MGAT4C: variants seen among roughly 807,000 people sequenced by gnomAD.
MGAT4C encodes MGAT4 family member C, also known as alpha-1,3-mannosyl-glycoprotein 4-beta-N-acetylglucosaminyltransferase C.
MGAT4C carries 19 observed loss-of-function variants against 40.1 expected under a neutral mutation model. The observed-to-expected ratio is 0.47, with a 90% CI of 0.33 to 0.70. The LOEUF (loss-of-function observed/expected upper bound fraction) is 0.70, where lower values mean the gene tolerates loss of function less well. Ranked by LOEUF, MGAT4C falls within the 30% of genes least tolerant of loss-of-function variation. MGAT4C has a pLI of 0.02. For synonymous variants in MGAT4C, 181 were observed against 187.1 expected (o/e 0.97, Z 0.27); for missense variants, 491 against 563.2 (o/e 0.87, Z 1.30).
chr12:86,836,913 G>C (rs969679264), intron 1 of MGAT4C, among the ~76,000 whole-genome samples: 1 of 151,892 alleles, frequency 6.6e-6, no homozygotes, highest in Non-Finnish European at 1.5e-5. Context: ...GCCTCCTTTA[G>C]CACATTGTTT....
chr12:86,169,660 A>T (rs149367505), intron 1 of MGAT4C, among the ~76,000 whole-genome samples: 297 of 152,288 alleles, frequency 2.0e-3, no homozygotes, highest in Middle Eastern at 0.014. Flanking sequence ...CATATAGCAG[A>T]TGCTTCACAG....
chr12:86,745,828 A>G (rs1185970733), intron 1 of MGAT4C, among the ~76,000 whole-genome samples: 2 of 151,680 alleles, frequency 1.3e-5, no homozygotes, highest in East Asian at 3.9e-4. Context: ...ATACCCCCAC[A>G]TGAATCAATA....
chr12:86,654,513 C>G (rs1361351478), intron 2 of MGAT4C, among the ~76,000 whole-genome samples: 12 of 151,798 alleles, frequency 7.9e-5, no homozygotes, highest in African/African-American at 2.9e-4. Flanking sequence ...AAAGAAAAAT[C>G]AAATTTTCTA....
At chr12:86,514,958 G>A (rs1958657709) in intron 2 of MGAT4C, among the ~76,000 whole-genome samples, 1 of 152,136 alleles carries the variant, frequency 6.6e-6, no homozygotes, top group Non-Finnish European at 1.5e-5. Flanking sequence ...AAATATGAAG[G>A]AGAAATTAAA....
intron 1 of MGAT4C, among the ~76,000 whole-genome samples, chr12:86,055,992 G>C (rs1893350216): frequency 6.6e-6 from 1 of 151,996 alleles, no homozygotes; most frequent in South Asian, 2.1e-4. Flanking sequence ...ACACTCTCTA[G>C]CTAAGTAAAA....
chr12:86,509,021 T>G, intron 2 of MGAT4C, among the ~76,000 whole-genome samples: 1 of 152,114 alleles, frequency 6.6e-6, no homozygotes, highest in Non-Finnish European at 1.5e-5. Flanking sequence ...GTCTGTTCAC[T>G]CTGATGGTAG....
chr12:86,352,211 G>A (rs1430861915), intron 3 of MGAT4C, among the ~76,000 whole-genome samples: 6 of 151,948 alleles, frequency 3.9e-5, no homozygotes, highest in Non-Finnish European at 8.8e-5. Context: ...TATTAATAAT[G>A]TCTTATTTAA....
intron 1 of MGAT4C, among the ~76,000 whole-genome samples, chr12:86,825,097 T>C (rs985635644): frequency 2.6e-5 from 4 of 151,328 alleles, no homozygotes; most frequent in African/African-American, 9.7e-5. Flanking sequence ...AGATGTAAGA[T>C]TCAAACTAAT....
intron 2 of MGAT4C, among the ~76,000 whole-genome samples, chr12:86,609,403 G>T (rs1962166203): frequency 6.6e-6 from 1 of 151,998 alleles, no homozygotes; most frequent in South Asian, 2.1e-4. Flanking sequence ...AACCGTGGAA[G>T]CTGCATTAAC....
chr12:85,969,566 A>C lies in MGAT4C; in HGVS notation c.*9723T>G, dbSNP rs1883521119. ...GCAAGTGTTTTAGATGTTCAAGTTT[A>C]AAAAATGAGAAAAAAATGTTTTACA... On this transcript the variant is annotated 3_prime_UTR_variant, in exon 5 of 5. Coordinates refer to ENST00000611864, the MANE Select transcript of MGAT4C (RefSeq NM_001351288.2). 6.6e-6 allele frequency: 1 copy of C among 151,650 alleles called. No individual in the cohort carries two copies. Among genetic ancestry groups the C allele is most frequent in the Non-Finnish European group, 1.5e-5 (1 of 67,650 alleles). 9.4% of individuals were successfully genotyped at this position (151,650 alleles called of 1,614,324 possible). A position where few individuals can be genotyped will look rare whatever the true frequency, so the allele number is the denominator to read the frequency against.
At chr12:86,231,181 T>C (rs2136015128) in intron 1 of MGAT4C, among the ~76,000 whole-genome samples, 1 of 152,332 alleles carries the variant, frequency 6.6e-6, no homozygotes, top group African/African-American at 2.4e-5. Context: ...AAACATTCCC[T>C]TTAGCAAATT....
intron 4 of MGAT4C, among the ~76,000 whole-genome samples, chr12:86,333,470 G>A (rs1021193970): frequency 2.0e-5 from 3 of 152,020 alleles, no homozygotes; most frequent in African/African-American, 7.3e-5. Flanking sequence ...TGTAGCCATG[G>A]CAGGGTTCAA....
intron 3 of MGAT4C, among the ~76,000 whole-genome samples, chr12:86,378,001 T>A (rs1955862469): frequency 6.6e-6 from 1 of 152,210 alleles, no homozygotes; most frequent in South Asian, 2.1e-4. Context: ...TTGCATAATC[T>A]CATCAATATT....
chr12:86,365,049 A>G (rs1365777342), intron 3 of MGAT4C, among the ~76,000 whole-genome samples: 1 of 152,124 alleles, frequency 6.6e-6, no homozygotes, highest in Non-Finnish European at 1.5e-5. Context: ...TGGGAGCACT[A>G]CGGGAGACTG....
intron 2 of MGAT4C, among the ~76,000 whole-genome samples, chr12:86,047,687 T>C (rs1892528335): frequency 6.6e-6 from 1 of 152,098 alleles, no homozygotes; most frequent in African/African-American, 2.4e-5. Flanking sequence ...GAAATATTCA[T>C]TCCTGAGTGC....
At chr12:86,173,096 A>G (rs1167526161) in intron 1 of MGAT4C, among the ~76,000 whole-genome samples, 1 of 152,126 alleles carries the variant, frequency 6.6e-6, no homozygotes, top group Admixed American at 6.5e-5. Context: ...CTTCCAGTTC[A>G]GGCTGGGCTA....
intron 3 of MGAT4C, among the ~76,000 whole-genome samples, chr12:86,420,557 T>C (rs1481872125): frequency 6.6e-6 from 1 of 152,042 alleles, no homozygotes; most frequent in Non-Finnish European, 1.5e-5. Context: ...CTGAGATGAA[T>C]TGCAAATACT....
At chr12:86,760,394 T>C (rs1951383706) in intron 1 of MGAT4C, among the ~76,000 whole-genome samples, 1 of 152,076 alleles carries the variant, frequency 6.6e-6, no homozygotes, top group African/African-American at 2.4e-5. Flanking sequence ...TTTGTTTTTT[T>C]TTGGATAAGT....
chr12:86,157,363 T>C (rs1391696439), intron 1 of MGAT4C, among the ~76,000 whole-genome samples: 1 of 152,156 alleles, frequency 6.6e-6, no homozygotes, highest in Non-Finnish European at 1.5e-5. Context: ...CTTTAAAGTA[T>C]TACTTCTTTA....
Sources: gnomAD v4.1 joint callset for allele counts (sites outside exome capture counted in the v4.1 genomes callset) on GRCh38, gnomAD v4.1.1 for gene constraint, MANE v1.5 for transcripts, NCBI Gene and HGNC (gene_info 2026-07-23, HGNC 2026-07-21) for gene names.